The following PLCB1 variants were observed in gnomAD, a reference collection of about 807,000 sequenced individuals.
PLCB1 encodes the protein 1-phosphatidylinositol 4,5-bisphosphate phosphodiesterase beta-1.
Under a neutral mutation model 161.8 loss-of-function variants are expected in PLCB1, and 46 were observed. The observed-to-expected ratio is 0.28, with a 90% confidence interval of 0.22 to 0.36. The LOEUF (loss-of-function observed/expected upper bound fraction) is 0.36. Among genes scored for constraint, PLCB1 ranks in the 10% least tolerant of loss-of-function variants. PLCB1 has a pLI of 1.00. For missense variants in PLCB1, 1,016 were observed against 1,472.5 expected (o/e 0.69, Z 5.07); for synonymous variants, 517 against 503.7 (o/e 1.03, Z -0.35).
At chr20:8,686,777 G>A (rs1263444015) in intron 10 of PLCB1, among the ~76,000 whole-genome samples, 2 of 152,028 alleles carry the variant, frequency 1.3e-5, no homozygotes, top group Non-Finnish European at 2.9e-5. Context: ...CTTTGAAAGT[G>A]TTCTGGCACA....
chr20:8,189,684 C>T (rs748324944), intron 2 of PLCB1, among the ~76,000 whole-genome samples: 6 of 152,012 alleles, frequency 3.9e-5, no homozygotes, highest in East Asian at 1.9e-4. Flanking sequence ...TCTTAAGAAA[C>T]GTGCATATGA....
At chr20:8,146,300 G>A (rs1040516346) in intron 1 of PLCB1, among the ~76,000 whole-genome samples, 17 of 152,222 alleles carry the variant, frequency 1.1e-4, no homozygotes, top group Admixed American at 6.5e-4. Flanking sequence ...AATTTCCAGT[G>A]CTTCCCATAC....
chr20:8,298,967 A>G (rs1244133620), intron 2 of PLCB1, among the ~76,000 whole-genome samples: 1 of 152,110 alleles, frequency 6.6e-6, no homozygotes, highest in African/African-American at 2.4e-5. Context: ...GGTTGGTGCA[A>G]AAGTAATTGC....
chr20:8,850,692 T>C (rs1986855706), intron 31 of PLCB1, among the ~76,000 whole-genome samples: 1 of 152,142 alleles, frequency 6.6e-6, no homozygotes, highest in African/African-American at 2.4e-5. Flanking sequence ...CCTTCTGCCA[T>C]GTGAGGACAC....
chr20:8,652,682 T>C (rs1989353326), intron 7 of PLCB1: 1 of 152,120 alleles, frequency 6.6e-6, no homozygotes, highest in African/African-American at 2.4e-5. Flanking sequence ...TAAATAGATA[T>C]ATTACCAGAA....
intron 27 of PLCB1, among the ~76,000 whole-genome samples, chr20:8,775,025 ACTTAT>A (rs1300940897): frequency 6.6e-6 from 1 of 151,330 alleles, no homozygotes; most frequent in Non-Finnish European, 1.5e-5. Context: ...AATAGAAAAC[ACTTAT>A]CTTTGTTTAA....
In PLCB1 at chr20:8,216,755, A is replaced by G. The variant is rs193102805; in HGVS notation, c.177+66384A>G. ...GATATAGCATAAGAGGGAGAAATTC[A>G]GAGTATTTCTCTTGCTATAGATGAA... On this transcript the variant is annotated intron_variant, in intron 2 of 31. Coordinates refer to ENST00000338037, the MANE Select transcript of PLCB1 (RefSeq NM_015192.4). 7.5e-3 allele frequency among the ~76,000 whole-genome samples: 1,141 copies of G among 152,252 alleles called. 12 individuals carry two copies. Among genetic ancestry groups the G allele is most frequent in the African/African-American group, 0.024 (1,018 of 41,570 alleles).
At chr20:8,495,957 A>G (rs956338628) in intron 3 of PLCB1, among the ~76,000 whole-genome samples, 2 of 152,186 alleles carry the variant, frequency 1.3e-5, no homozygotes, top group African/African-American at 2.4e-5. Flanking sequence ...TAATCACAAT[A>G]GGACATGATC....
At chr20:8,347,151 T>G (rs1986025571) in intron 2 of PLCB1, among the ~76,000 whole-genome samples, 1 of 152,124 alleles carries the variant, frequency 6.6e-6, no homozygotes, top group Non-Finnish European at 1.5e-5. Flanking sequence ...AGAAAAGAAT[T>G]AAGAATATGC....
chr20:8,774,107 C>G (rs1157381113), intron 26 of PLCB1, among the ~76,000 whole-genome samples: 1 of 151,774 alleles, frequency 6.6e-6, no homozygotes, highest in Non-Finnish European at 1.5e-5. Flanking sequence ...CTTTAGCTTC[C>G]TCTAACAAAG....
chr20:8,573,555 G>C (rs988027994), intron 3 of PLCB1, among the ~76,000 whole-genome samples: 12 of 152,186 alleles, frequency 7.9e-5, no homozygotes, highest in African/African-American at 2.9e-4. Context: ...AGTTTGTCAT[G>C]CTACTACCAT....
chr20:8,324,901 TA>T (rs2122172780), intron 2 of PLCB1, among the ~76,000 whole-genome samples: 1 of 152,372 alleles, frequency 6.6e-6, no homozygotes, highest in Non-Finnish European at 1.5e-5. Flanking sequence ...AAGAGGTTCT[TA>T]TGGATTTTTC....
At chr20:8,267,423 T>C (rs546652593) in intron 2 of PLCB1, among the ~76,000 whole-genome samples, 3 of 152,240 alleles carry the variant, frequency 2.0e-5, no homozygotes, top group East Asian at 3.9e-4. Context: ...GTATAATCCA[T>C]GCTCCAGAAC....
intron 31 of PLCB1, among the ~76,000 whole-genome samples, chr20:8,801,369 G>C (rs1477336690): frequency 2.0e-5 from 3 of 152,066 alleles, no homozygotes; most frequent in Non-Finnish European, 2.9e-5. Context: ...TGTTTATTCT[G>C]CTGTGCTTTC....
intron 2 of PLCB1, among the ~76,000 whole-genome samples, chr20:8,354,345 G>A (rs1328438341): frequency 6.6e-6 from 1 of 152,080 alleles, no homozygotes; most frequent in African/African-American, 2.4e-5. Flanking sequence ...AAATCTAAAA[G>A]TGGACCAACA....
intron 2 of PLCB1, among the ~76,000 whole-genome samples, chr20:8,249,023 A>G (rs1981015592): frequency 6.6e-6 from 1 of 151,990 alleles, no homozygotes; most frequent in Non-Finnish European, 1.5e-5. Flanking sequence ...AGGAAGTTTC[A>G]GGAGATTTCA....
At chr20:8,539,364 G>T (rs572369686) in intron 3 of PLCB1, among the ~76,000 whole-genome samples, 3 of 152,106 alleles carry the variant, frequency 2.0e-5, no homozygotes, top group Non-Finnish European at 4.4e-5. Flanking sequence ...AAACAAACTT[G>T]TACAATATAT....
chr20:8,492,267 G>A (rs1002801690), intron 3 of PLCB1, among the ~76,000 whole-genome samples: 6 of 151,722 alleles, frequency 4.0e-5, no homozygotes, highest in African/African-American at 1.2e-4. Flanking sequence ...CACTATTTAG[G>A]CTTTTGAAAA....
chr20:8,630,232 G>A (rs11906333), intron 4 of PLCB1, among the ~76,000 whole-genome samples: 21,807 of 151,296 alleles, frequency 0.14, 1,566 homozygotes, highest in Middle Eastern at 0.21. Flanking sequence ...GACTACAGGC[G>A]CATGCCACCA....
Sources: gnomAD v4.1 joint callset for allele counts (sites outside exome capture counted in the v4.1 genomes callset) on GRCh38, gnomAD v4.1.1 for gene constraint, MANE v1.5 for transcripts, NCBI Gene and HGNC (gene_info 2026-07-23, HGNC 2026-07-21) for gene names.